Variants in CDKN2B-AS1 observed in about 807,000 individuals in gnomAD.
CDKN2B-AS1 encodes CDKN2B and CDKN2A antisense cis and trans regulatory RNA 1.
chr9:22,065,211 T>G (rs1823987966), intron 4 of CDKN2B-AS1, among the ~76,000 whole-genome samples: 1 of 152,162 alleles, frequency 6.6e-6, no homozygotes, highest in Non-Finnish European at 1.5e-5. Context: ...CATCTCTGTG[T>G]TTTTCTATTA....
At position 22,093,755 on chromosome 9, in the gene CDKN2B-AS1, G is replaced by A. The variant is rs1377299055; in HGVS notation, n.439-33348G>A. ...ATTCCTGAATACAGCACACTGATGG[G>A]TCTTGACTCTTTATCCAATTTGCCA... On this transcript the variant is annotated intron_variant and non_coding_transcript_variant, in intron 4 of 4. Transcript: ENST00000650946. Among the ~76,000 whole-genome samples the A allele has an allele frequency of 1.4e-5, 2 of 144,044 alleles. 1 individual carries two copies. The highest frequency in any genetic ancestry group is 5.8e-5 in the African/African-American group (2 of 34,310). 94.5% of individuals were successfully genotyped at this position (144,044 alleles called of 152,430 possible).
chr9:22,046,054 T>C (rs1251617832), intron 1 of CDKN2B-AS1, among the ~76,000 whole-genome samples: 1 of 152,108 alleles, frequency 6.6e-6, no homozygotes, highest in Non-Finnish European at 1.5e-5. Context: ...TTGAGGTCTC[T>C]TGAGAAACCC....
chr9:22,098,451 A>G lies in CDKN2B-AS1; in HGVS notation n.439-28652A>G, dbSNP rs535710885. On this transcript the variant is annotated intron_variant and non_coding_transcript_variant, in intron 4 of 4. Transcript: ENST00000650946. ...TTTTTTTTATCACCATGCTTTCTGA[A>G]ACAACACGATATGTATCACCTTTAT... 1.2e-4 allele frequency among the ~76,000 whole-genome samples: 19 copies of G among 152,070 alleles called. No individual in the cohort carries two copies. In the South Asian group the frequency reaches 3.9e-3, roughly 32 times the overall value.
intron 1 of CDKN2B-AS1, among the ~76,000 whole-genome samples, chr9:22,018,344 A>G (rs143742632): frequency 1.3e-5 from 2 of 150,336 alleles, no homozygotes; most frequent in East Asian, 3.9e-4. Context: ...GACTGAAGCC[A>G]TACTTACATA....
intron 4 of CDKN2B-AS1, among the ~76,000 whole-genome samples, chr9:22,094,169 G>A (rs891754535): frequency 6.9e-6 from 1 of 144,350 alleles, no homozygotes; most frequent in Non-Finnish European, 1.5e-5. Context: ...GGCTTGTAGA[G>A]TTTCTACCGA....
At chr9:22,089,107 C>G (rs72652428) in intron 4 of CDKN2B-AS1, among the ~76,000 whole-genome samples, 2,037 of 152,192 alleles carry the variant, frequency 0.013, 22 homozygotes, top group Non-Finnish European at 0.019. Context: ...TTTTTCTAGC[C>G]AAATAATTTT....
intron 4 of CDKN2B-AS1, among the ~76,000 whole-genome samples, chr9:22,123,957 A>C (rs1826141547): frequency 6.6e-6 from 1 of 152,242 alleles, no homozygotes; most frequent in African/African-American, 2.4e-5. Context: ...AAATATAAAT[A>C]AAAACAAAGC....
intron 4 of CDKN2B-AS1, among the ~76,000 whole-genome samples, chr9:22,078,575 A>G (rs1161877348): frequency 6.6e-6 from 1 of 152,224 alleles, no homozygotes; most frequent in Non-Finnish European, 1.5e-5. Flanking sequence ...AAGCTTTAGC[A>G]AACAAACAAC....
chr9:22,088,820 A>G (rs941296983), intron 4 of CDKN2B-AS1, among the ~76,000 whole-genome samples: 12 of 152,176 alleles, frequency 7.9e-5, no homozygotes, highest in Non-Finnish European at 1.3e-4. Context: ...GTATGTACCT[A>G]GTAAAAATTA....
At chr9:22,085,342 C>T (rs955486579) in intron 4 of CDKN2B-AS1, among the ~76,000 whole-genome samples, 2 of 152,182 alleles carry the variant, frequency 1.3e-5, no homozygotes, top group African/African-American at 4.8e-5. Flanking sequence ...AAGTGCATTC[C>T]TTATTCCTCA....
chr9:22,021,634 T>G lies in CDKN2B-AS1; in HGVS notation n.30-25117T>G, dbSNP rs187119021. On this transcript the variant is annotated intron_variant and non_coding_transcript_variant, in intron 1 of 4. Transcript: ENST00000650946. ...AGTTTGTGGTTCTCCTTGTAGAGAT[T>G]TTTTTTTGTATCCTGAGACTTTGCT... Among the ~76,000 whole-genome samples, 201 of 151,714 alleles carry G rather than the reference T, an allele frequency of 1.3e-3. 1 individual carries two copies. The highest frequency in any genetic ancestry group is 4.6e-3 in the African/African-American group (189 of 41,482).
In CDKN2B-AS1 at chr9:22,089,494, A is replaced by G. The variant is rs138357068; in HGVS notation, n.438+33107A>G. 9.2e-5 allele frequency among the ~76,000 whole-genome samples: 14 copies of G among 152,252 alleles called. No individual in the cohort carries two copies. In the East Asian group the frequency reaches 2.3e-3, roughly 25 times the overall value. On this transcript the variant is annotated intron_variant and non_coding_transcript_variant, in intron 4 of 4. Coordinates refer to ENST00000650946, the Ensembl canonical transcript of CDKN2B-AS1. ...ACCCAGGCTGGACCGGAGTGGCTCA[A>G]TCACAGCTCACTGCAGCCTTGATCT...
rs184840711 is a variant in CDKN2B-AS1, at chr9:22,048,397, C to A, written n.180-709C>A. Among the ~76,000 whole-genome samples the A allele has an allele frequency of 3.1e-3, 468 of 152,252 alleles. 1 individual carries two copies. The highest frequency in any genetic ancestry group is 0.01 in the African/African-American group (416 of 41,562). ...TTTCTCAACAAAACTTTTTGCTCTT[C>A]TCTTTCACATAACTCCCGTGGAATA... On this transcript the variant is annotated intron_variant and non_coding_transcript_variant, in intron 2 of 4. Transcript: ENST00000650946.
In CDKN2B-AS1 at chr9:22,039,482, A is replaced by T. The variant is rs2131261646; in HGVS notation, n.30-7269A>T. On this transcript the variant is annotated intron_variant and non_coding_transcript_variant, in intron 1 of 4. Coordinates refer to ENST00000650946, the Ensembl canonical transcript of CDKN2B-AS1. The surrounding 1 kb of genome is among the most constrained non-coding windows in gnomAD (Gnocchi z 4.4). The stretch of plus-strand genomic sequence containing the variant: ...ACATCTGTTTACTCTGTGTTTTAAC[A>T]TCTGTGTGGATAGCATTGTTGTTGT... 6.6e-6 allele frequency among the ~76,000 whole-genome samples: 1 copy of T among 152,140 alleles called. No individual in the cohort carries two copies. Among genetic ancestry groups the T allele is most frequent in the African/African-American group, 2.4e-5 (1 of 41,556 alleles).
chr9:22,096,393 G>C (rs1237561089), intron 4 of CDKN2B-AS1: 1 of 152,148 alleles, frequency 6.6e-6, no homozygotes, highest in African/African-American at 2.4e-5. Context: ...ATAATAATGA[G>C]AAACAGACAT....
chr9:22,093,047 G>C (rs1189846787), intron 4 of CDKN2B-AS1, among the ~76,000 whole-genome samples: 3 of 152,126 alleles, frequency 2.0e-5, no homozygotes, highest in African/African-American at 7.2e-5. Context: ...TGGTTTCAAA[G>C]AACATCTTTA....
intron 1 of CDKN2B-AS1, among the ~76,000 whole-genome samples, chr9:22,037,598 A>C (rs1822741829): frequency 6.6e-6 from 1 of 152,018 alleles, no homozygotes; most frequent in Admixed American, 6.6e-5. Flanking sequence ...TCTTAGATTA[A>C]TTTTAACTTT....
At chr9:22,046,412 A>G (rs1187028441) in intron 1 of CDKN2B-AS1, 1 of 152,128 alleles carries the variant, frequency 6.6e-6, no homozygotes, top group African/African-American at 2.4e-5. Context: ...GTACTTAACC[A>G]CTGGACTACC....
At chr9:22,012,274 G>C (rs1230480838) in intron 1 of CDKN2B-AS1, 4 of 1,469,256 alleles carry the variant, frequency 2.7e-6, no homozygotes, top group Non-Finnish European at 3.8e-6. Context: ...CCCCTGACAA[G>C]CAGCGTCTGA....
Sources: allele counts gnomAD v4.1 joint callset (sites outside exome capture counted in the v4.1 genomes callset), GRCh38; gene constraint gnomAD v4.1.1; non-coding constraint Gnocchi (gnomAD v3.1); transcripts MANE v1.5; gene names NCBI Gene and HGNC (gene_info 2026-07-23, HGNC 2026-07-21).